Variants in THBS4 observed in about 807,000 individuals in gnomAD.
The protein encoded by THBS4 is thrombospondin-4.
In THBS4, 90 loss-of-function variants were observed where a neutral mutation model predicts 115.7. That is an observed-to-expected ratio of 0.78 (90% CI 0.66 to 0.93). THBS4 has a LOEUF of 0.93. THBS4 is among the 40% of genes least tolerant of loss of function. The pLI, the probability that THBS4 is intolerant of heterozygous loss-of-function variation, is 0.00. For missense variants in THBS4, 1,087 were observed against 1,232.7 expected, an observed-to-expected ratio of 0.88 and a Z score of 1.77; for synonymous variants, 460 against 479.3, an observed-to-expected ratio of 0.96 and a Z score of 0.53.
intron 15 of THBS4, 58 bp downstream of exon 15, chr5:80,073,385 G>GT: frequency 1.3e-6 from 2 of 1,527,684 alleles, no homozygotes; most frequent in South Asian, 1.2e-5. Context: ...GAGGGTTTTT[G>GT]GTTTGTTTTT....
At chr5:79,994,252 T>C (rs918641742) in intron 1 of THBS4, among the ~76,000 whole-genome samples, 3 of 152,044 alleles carry the variant, frequency 2.0e-5, no homozygotes, top group Non-Finnish European at 2.9e-5. Flanking sequence ...TCCTTGAAAA[T>C]AGAAGAAAAT....
rs755176674 is a variant in THBS4, at chr5:80,059,758, T to A, written c.840T>A (p.Pro280=). The part of the protein sequence containing the change: ...TPSTVVPPAP[P]APPTRPPRRC... The stretch of plus-strand genomic sequence containing the variant: ...GCACGGTGGTGCCCCCGGCTCCCCC[T>A]GCACCGCCAACACGCCCACCTCGTC... Residue 280 remains proline, a synonymous_variant, in exon 7 of 22, where the codon CCT becomes CCA. Transcript: ENST00000350881. 4 of 1,614,026 alleles carry A rather than the reference T, an allele frequency of 2.5e-6. No individual in the cohort carries two copies. In the East Asian group the frequency reaches 8.9e-5, roughly 36 times the overall value.
chr5:80,080,265 A>C, intron 20 of THBS4, 188 bp downstream of exon 20: 1 of 670,350 alleles, frequency 1.5e-6, no homozygotes, highest in Non-Finnish European at 2.5e-6. Context: ...GGGTCAGACC[A>C]CCCGGACAGG....
At chr5:80,034,728 T>C (rs537727994), upstream of THBS4, among the ~76,000 whole-genome samples, 1 of 152,338 alleles carries the variant, frequency 6.6e-6, no homozygotes, top group South Asian at 2.1e-4. Context: ...CCTTGAGATG[T>C]GTTTTATCTC....
chr5:80,064,703 G>A (rs1032823785), intron 8 of THBS4, among the ~76,000 whole-genome samples: 3 of 152,118 alleles, frequency 2.0e-5, no homozygotes, highest in African/African-American at 7.2e-5. Context: ...CTGCACTCCA[G>A]CCTGAGCGAC....
At chr5:80,057,079 T>G (rs764775772) in intron 3 of THBS4, among the ~76,000 whole-genome samples, 6 of 152,190 alleles carry the variant, frequency 3.9e-5, no homozygotes, top group Non-Finnish European at 5.9e-5. Context: ...CAGTCATATA[T>G]AGAGAGATTT....
chr5:80,039,976 T>C (rs2112030277), intron 1 of THBS4, 101 bp from the exon 2 acceptor site: 2 of 1,026,290 alleles, frequency 1.9e-6, no homozygotes, highest in Non-Finnish European at 3.0e-6. Context: ...TTACATTACT[T>C]TGTAGCTTAC....
intron 2 of THBS4, among the ~76,000 whole-genome samples, chr5:80,006,306 G>A (rs1298819199): frequency 3.3e-5 from 5 of 152,090 alleles, no homozygotes; most frequent in African/African-American, 9.7e-5. Flanking sequence ...AGAATCATGG[G>A]GGTGCTTTCC....
Position 80,083,197 on chromosome 5 carries a change from A to C in THBS4, c.*56A>C. ...GAACACTAAAACCATATATATTTTA[A>C]CTTCAATTTTCTTTAGCTTTTACCA... On this transcript the variant is annotated 3_prime_UTR_variant, in exon 22 of 22. Transcript: ENST00000350881. The C allele has an allele frequency of 5.4e-6, 8 of 1,483,424 alleles. No homozygotes were observed. In the South Asian group the frequency reaches 9.1e-5, roughly 17 times the overall value. 91.9% of individuals were successfully genotyped at this position (1,483,424 alleles called of 1,614,324 possible). A position where few individuals can be genotyped will look rare whatever the true frequency, so the allele number is the denominator to read the frequency against.
At chr5:80,016,301 C>T (rs1348667253) in intron 2 of THBS4, among the ~76,000 whole-genome samples, 1 of 152,178 alleles carries the variant, frequency 6.6e-6, no homozygotes, top group Non-Finnish European at 1.5e-5. Flanking sequence ...AGGGCTATGT[C>T]CCTTCATAGC....
At chr5:80,051,187 G>A (rs1236115068) in intron 2 of THBS4, among the ~76,000 whole-genome samples, 1 of 152,206 alleles carries the variant, frequency 6.6e-6, no homozygotes, top group Non-Finnish European at 1.5e-5. Flanking sequence ...GCTGCCTCTG[G>A]AGAAGGTGAG....
At chr5:80,051,821 C>G (rs1000689473) in intron 2 of THBS4, among the ~76,000 whole-genome samples, 1 of 152,200 alleles carries the variant, frequency 6.6e-6, no homozygotes, top group Admixed American at 6.5e-5. Context: ...TTAAAGCCAG[C>G]TATTTAGTTA....
Position 80,047,638 on chromosome 5 carries a change from T to A in THBS4, c.292+7358T>A, listed in dbSNP as rs573784559. ...GTCTGGGTAAAAAATTAAGAATTTT[T>A]TTTTTTTTTTTTTGAGACAGAGTCT... is the stretch of plus-strand genomic sequence containing the variant. On this transcript the variant is annotated intron_variant, in intron 2 of 21. Coordinates refer to ENST00000350881, the MANE Select transcript of THBS4 (RefSeq NM_003248.6). Among the ~76,000 whole-genome samples the A allele has an allele frequency of 7.4e-3, 1,110 of 150,940 alleles. 10 individuals carry two copies. Among genetic ancestry groups the A allele is most frequent in the South Asian group, 0.016 (77 of 4,750 alleles).
chr5:80,001,971 T>TA (rs1831908016), intron 2 of THBS4, among the ~76,000 whole-genome samples: 1 of 152,188 alleles, frequency 6.6e-6, no homozygotes. Flanking sequence ...GTAAATAAGT[T>TA]ATAAGAAGAA....
At chr5:80,074,871 C>T (rs1743118651) in intron 15 of THBS4, among the ~76,000 whole-genome samples, 1 of 152,146 alleles carries the variant, frequency 6.6e-6, no homozygotes, top group African/African-American at 2.4e-5. Flanking sequence ...CCTCATCCTC[C>T]CAAAGTGTGC....
At chr5:80,060,449 A>G (rs1833593443) in intron 7 of THBS4, among the ~76,000 whole-genome samples, 1 of 152,198 alleles carries the variant, frequency 6.6e-6, no homozygotes, top group South Asian at 2.1e-4. Flanking sequence ...AGAGCCCCAG[A>G]AGAGACTGTT....
chr5:80,009,765 A>G (rs1832085332), intron 2 of THBS4, among the ~76,000 whole-genome samples: 1 of 152,180 alleles, frequency 6.6e-6, no homozygotes, highest in South Asian at 2.1e-4. Context: ...GGATAATGCA[A>G]AAAAAATTCT....
intron 2 of THBS4, among the ~76,000 whole-genome samples, chr5:80,051,733 T>G (rs1319237586): frequency 1.3e-5 from 2 of 152,244 alleles, no homozygotes. Context: ...ATTTAATTAT[T>G]CATTTAAAGT....
intron 7 of THBS4, 56 bp downstream of exon 7, chr5:80,059,961 CTT>C: frequency 6.4e-7 from 1 of 1,553,066 alleles, no homozygotes. Context: ...CACCCTGCAG[CTT>C]TTGGAAAAAG....
Sources: gnomAD v4.1 joint callset for allele counts (sites outside exome capture counted in the v4.1 genomes callset) on GRCh38, gnomAD v4.1.1 for gene constraint, MANE v1.5 for transcripts, NCBI Gene and HGNC (gene_info 2026-07-23, HGNC 2026-07-21) for gene names.